Variants in SLCO3A1 observed in about 807,000 individuals in gnomAD.
SLCO3A1 encodes PGE1 transporter.
A neutral mutation model predicts 63.1 loss-of-function variants in SLCO3A1; 27 were observed. That is an observed-to-expected ratio of 0.43 (90% CI 0.32 to 0.59). The LOEUF (loss-of-function observed/expected upper bound fraction) is 0.59. Among genes scored for constraint, SLCO3A1 ranks in the 20% least tolerant of loss-of-function variants. The pLI is 0.09. For missense variants in SLCO3A1, 773 were observed against 945.8 expected (o/e 0.82, Z 2.40); for synonymous variants, 473 against 409.9 (o/e 1.15, Z -1.86).
intron 2 of SLCO3A1, among the ~76,000 whole-genome samples, chr15:91,919,638 A>G (rs1898777572): frequency 6.6e-6 from 1 of 152,170 alleles, no homozygotes; most frequent in Admixed American, 6.5e-5. Context: ...CCATTAGCCC[A>G]GTTTTCTTAG....
At chr15:92,057,691 T>C (rs541631857) in intron 2 of SLCO3A1, among the ~76,000 whole-genome samples, 35 of 152,258 alleles carry the variant, frequency 2.3e-4, no homozygotes, top group African/African-American at 6.5e-4. Context: ...TGATGCGAGT[T>C]CTCCTAGAAC....
rs919172084 is a variant in SLCO3A1 at position 92,033,813 on chromosome 15, A to G, written c.647-61068A>G. Among the ~76,000 whole-genome samples, 1 of 152,214 alleles carries G rather than the reference A, an allele frequency of 6.6e-6. No individual in the cohort carries two copies. Among genetic ancestry groups the G allele is most frequent in the African/African-American group, 2.4e-5 (1 of 41,444 alleles). On this transcript the variant is annotated intron_variant, in intron 2 of 9. Transcript: ENST00000318445. The surrounding 1 kb of genome is among the most constrained non-coding windows in gnomAD (Gnocchi z 4.5). ...GAGGTTTTGGCATGTGTGTAAAGACATCAAGGGAGTGAGGGACAAGCCGGG... is the reference window on the plus strand; with the variant it reads ...GAGGTTTTGGCATGTGTGTAAAGACGTCAAGGGAGTGAGGGACAAGCCGGG...
At chr15:92,075,684 G>T (rs1268534426) in intron 2 of SLCO3A1, among the ~76,000 whole-genome samples, 1 of 152,152 alleles carries the variant, frequency 6.6e-6, no homozygotes, top group Non-Finnish European at 1.5e-5. Flanking sequence ...CTCTCAAATG[G>T]GCATAACATG....
intron 1 of SLCO3A1, among the ~76,000 whole-genome samples, chr15:91,878,373 C>T (rs1897458219): frequency 6.6e-6 from 1 of 152,134 alleles, no homozygotes. Context: ...AGCCACTGCG[C>T]CAGGGCGATT....
chr15:92,027,165 TG>T, intron 2 of SLCO3A1, among the ~76,000 whole-genome samples: 1 of 152,102 alleles, frequency 6.6e-6, no homozygotes, highest in South Asian at 2.1e-4. Context: ...GGAGTTGTCA[TG>T]AGCTCTCTAA....
At position 92,147,166 on chromosome 15, in the gene SLCO3A1, C is replaced by T; in HGVS notation, c.1688+7C>T. 6.2e-7 allele frequency: 1 copy of T among 1,606,094 alleles called. No individual in the cohort carries two copies. The highest frequency in any genetic ancestry group is 8.5e-7 in the Non-Finnish European group (1 of 1,175,620). The stretch of plus-strand genomic sequence containing the variant: ...CAGTCATCATCCTCATCAGGTAAGC[C>T]CTCGGCACAGCCCCGCCTCTCCTCC... On this transcript the variant is annotated splice_region_variant and intron_variant, in intron 8 of 9. Coordinates refer to ENST00000318445, the MANE Select transcript of SLCO3A1 (RefSeq NM_013272.4).
Position 92,144,242 on chromosome 15 carries a change from CAT to C in SLCO3A1, c.1513-2738_1513-2737del, listed in dbSNP as rs2048190704. On this transcript the variant is annotated intron_variant, in intron 7 of 9. Transcript: ENST00000318445. ...GGAGGAAAACAAAGGTTTAGAAACACATATACATGATGTATACACAGGAGATA... is the reference window on the plus strand; with the variant it reads ...GGAGGAAAACAAAGGTTTAGAAACACATACATGATGTATACACAGGAGATA... Among the ~76,000 whole-genome samples the C allele has an allele frequency of 2.6e-5, 4 of 152,292 alleles. No homozygotes were observed. In the South Asian group the frequency reaches 8.3e-4, roughly 32 times the overall value.
intron 9 of SLCO3A1, among the ~76,000 whole-genome samples, chr15:92,156,848 C>T (rs140406652): frequency 1.3e-5 from 2 of 152,218 alleles, no homozygotes; most frequent in East Asian, 1.9e-4. Flanking sequence ...CATTTTGTCC[C>T]GTAAAGGAAT....
intron 4 of SLCO3A1, among the ~76,000 whole-genome samples, chr15:92,114,848 C>T (rs961472816): frequency 2.0e-5 from 3 of 152,080 alleles, no homozygotes; most frequent in Non-Finnish European, 2.9e-5. Context: ...AGTTCAAATC[C>T]ACCCTCCCTC....
intron 5 of SLCO3A1, among the ~76,000 whole-genome samples, chr15:92,123,150 C>T (rs796605336): frequency 7.9e-5 from 12 of 152,278 alleles, no homozygotes; most frequent in African/African-American, 2.9e-4. Flanking sequence ...GTAGGCCAGG[C>T]GTGGTGGCTC....
intron 5 of SLCO3A1, among the ~76,000 whole-genome samples, chr15:92,120,937 A>G (rs778103180): frequency 6.6e-6 from 1 of 152,146 alleles, no homozygotes; most frequent in Non-Finnish European, 1.5e-5. Flanking sequence ...AGAAGGATAA[A>G]TCTTGAAAGG....
chr15:91,988,480 A>G (rs1320956121), intron 2 of SLCO3A1, among the ~76,000 whole-genome samples: 1 of 152,174 alleles, frequency 6.6e-6, no homozygotes, highest in Non-Finnish European at 1.5e-5. Context: ...TTAAAAATTC[A>G]GTGAGCCCAA....
chr15:92,016,204 T>TATAGATAGATAGATAGATAGATAG (rs1039964856), intron 2 of SLCO3A1, among the ~76,000 whole-genome samples: 31 of 120,116 alleles, frequency 2.6e-4, no homozygotes, highest in Non-Finnish European at 4.3e-4. Flanking sequence ...TATATATTTA[T>TATAGATAGATAGATAGATAGATAG]ATAGATAGAT....
At position 92,120,464 on chromosome 15, in the gene SLCO3A1, G is replaced by A; in HGVS notation, c.1010-1G>A. ...ACCATCTGCCTTCTGTCTCCCTGCA[G>A]TGATCCCGAAGGTCACCAAGCACCT... On this transcript the variant is annotated splice_acceptor_variant, in intron 4 of 9. Coordinates refer to ENST00000318445, the MANE Select transcript of SLCO3A1 (RefSeq NM_013272.4). LOFTEE classifies it high-confidence loss of function. 6.2e-7 allele frequency: 1 copy of A among 1,614,040 alleles called. No individual in the cohort carries two copies. The highest frequency in any genetic ancestry group is 8.5e-7 in the Non-Finnish European group (1 of 1,179,940).
Position 91,931,114 on chromosome 15 carries a change from C to G in SLCO3A1, c.646+14656C>G, listed in dbSNP as rs117093636. Among the ~76,000 whole-genome samples, 400 of 152,228 alleles carry G rather than the reference C, an allele frequency of 2.6e-3. 16 individuals carry two copies. In the East Asian group the frequency reaches 0.069, roughly 26 times the overall value. Reference sequence around the variant, plus strand: ...TTACAATTGTGAATAATGACCAGTCCCTTGCAAGGAGACAGCCTTCCAAAC... The same window carrying G: ...TTACAATTGTGAATAATGACCAGTCGCTTGCAAGGAGACAGCCTTCCAAAC... On this transcript the variant is annotated intron_variant, in intron 2 of 9. Coordinates refer to ENST00000318445, the MANE Select transcript of SLCO3A1 (RefSeq NM_013272.4).
chr15:92,086,911 C>T (rs751069632), intron 2 of SLCO3A1, among the ~76,000 whole-genome samples: 5 of 150,556 alleles, frequency 3.3e-5, no homozygotes, highest in South Asian at 2.1e-4. Context: ...GGTGTGGGGA[C>T]GGCAGAGGTT....
chr15:91,947,302 T>A (rs1402181984), intron 2 of SLCO3A1, among the ~76,000 whole-genome samples: 1 of 152,228 alleles, frequency 6.6e-6, no homozygotes, highest in Admixed American at 6.5e-5. Context: ...AAGCAGCTTA[T>A]CTTTGAAATT....
intron 1 of SLCO3A1, among the ~76,000 whole-genome samples, chr15:91,881,102 G>A (rs985918608): frequency 2.0e-5 from 3 of 152,150 alleles, no homozygotes; most frequent in Non-Finnish European, 4.4e-5. Flanking sequence ...AAGAATTGAT[G>A]GGAGAAGGTA....
At position 91,854,178 on chromosome 15, in the gene SLCO3A1, T is replaced by TG; in HGVS notation, c.180+95dup. 8.2e-7 allele frequency: 1 copy of TG among 1,212,392 alleles called. No homozygotes were observed. The highest frequency in any genetic ancestry group is 1.1e-6 in the Non-Finnish European group (1 of 945,214). The allele number at this position is 1,212,392 out of a possible 1,614,324, so 75.1% of individuals were successfully genotyped here. On this transcript the variant is annotated intron_variant, in intron 1 of 9. Coordinates refer to ENST00000318445, the MANE Select transcript of SLCO3A1 (RefSeq NM_013272.4). The surrounding 1 kb of genome is among the most constrained non-coding windows in gnomAD (Gnocchi z 6.4). ...GCCCGACGAGGGGGCCGCCCGGCGC[T>TG]GGGGGCAGGCGGGCATGACCTCGGC...
Sources: allele counts gnomAD v4.1 joint callset (sites outside exome capture counted in the v4.1 genomes callset), GRCh38; gene constraint gnomAD v4.1.1; non-coding constraint Gnocchi (gnomAD v3.1); transcripts MANE v1.5; gene names NCBI Gene and HGNC (gene_info 2026-07-23, HGNC 2026-07-21).